The following SETBP1 variants were observed in gnomAD, a reference collection of about 807,000 sequenced individuals.
SETBP1 encodes the protein SET-binding protein.
SETBP1 carries 9 observed loss-of-function variants against 101.0 expected under a neutral mutation model. The ratio of observed to expected loss-of-function variants is 0.09; its 90% confidence interval spans 0.05 to 0.16. SETBP1 has a LOEUF of 0.16. Among genes scored for constraint, SETBP1 ranks in the 10% least tolerant of loss-of-function variants. SETBP1 has a pLI of 1.00. For missense variants in SETBP1, 1,858 were observed against 2,033.8 expected (o/e 0.91, Z 1.66); for synonymous variants, 818 against 788.5 (o/e 1.04, Z -0.63).
At chr18:44,778,524 G>C (rs1350879766) in intron 2 of SETBP1, among the ~76,000 whole-genome samples, 1 of 152,080 alleles carries the variant, frequency 6.6e-6, no homozygotes, top group Non-Finnish European at 1.5e-5. Flanking sequence ...TCTCATTATG[G>C]TTTTTACTAA....
intron 3 of SETBP1, among the ~76,000 whole-genome samples, chr18:44,921,785 G>A (rs778188472): frequency 9.9e-5 from 15 of 152,066 alleles, no homozygotes; most frequent in East Asian, 3.9e-4. Context: ...CCCAGGGGAC[G>A]GAGGGATAAA....
At chr18:44,765,617 A>G (rs2070750273) in intron 2 of SETBP1, among the ~76,000 whole-genome samples, 1 of 152,182 alleles carries the variant, frequency 6.6e-6, no homozygotes, top group Admixed American at 6.5e-5. Flanking sequence ...AATCATTATT[A>G]ATCATGCCCC....
chr18:44,787,749 G>A (rs1291831560), intron 2 of SETBP1, among the ~76,000 whole-genome samples: 3 of 144,702 alleles, frequency 2.1e-5, no homozygotes, highest in African/African-American at 7.7e-5. Flanking sequence ...AGCTACTGGG[G>A]AGGCTGAGGC....
chr18:44,681,959 C>A (rs1310057398), intron 1 of SETBP1, among the ~76,000 whole-genome samples: 1 of 152,168 alleles, frequency 6.6e-6, no homozygotes, highest in Non-Finnish European at 1.5e-5. Context: ...ACACTCCCCC[C>A]ACCTCCTGCC....
intron 5 of SETBP1, among the ~76,000 whole-genome samples, chr18:45,039,170 T>A (rs2073459694): frequency 6.6e-6 from 1 of 152,168 alleles, no homozygotes; most frequent in Non-Finnish European, 1.5e-5. Flanking sequence ...AATCACTGAT[T>A]TATTGATGCA....
At chr18:44,740,142 G>C (rs1210288561) in intron 2 of SETBP1, among the ~76,000 whole-genome samples, 1 of 152,182 alleles carries the variant, frequency 6.6e-6, no homozygotes, top group Non-Finnish European at 1.5e-5. Context: ...TATTATTCTA[G>C]AGCGGGCATT....
chr18:44,817,776 GAA>G (rs2072014563), intron 2 of SETBP1, among the ~76,000 whole-genome samples: 1 of 152,034 alleles, frequency 6.6e-6, no homozygotes, highest in Non-Finnish European at 1.5e-5. Context: ...TTCAAAATCA[GAA>G]AGTCTTCTTG....
intron 2 of SETBP1, among the ~76,000 whole-genome samples, chr18:44,744,036 G>T (rs1255087557): frequency 5.3e-5 from 8 of 152,206 alleles, no homozygotes; most frequent in African/African-American, 1.9e-4. Flanking sequence ...GGTCTCATTG[G>T]TGTGCCATTC....
chr18:44,711,552 G>T (rs553582555), intron 2 of SETBP1, among the ~76,000 whole-genome samples: 81 of 145,130 alleles, frequency 5.6e-4, no homozygotes, highest in African/African-American at 1.8e-3. Context: ...TTAAAACAGG[G>T]TCTTGCTCTG....
intron 4 of SETBP1, among the ~76,000 whole-genome samples, chr18:44,982,946 T>G (rs16978241): frequency 0.054 from 8,204 of 152,172 alleles, 768 homozygotes; most frequent in African/African-American, 0.19. Context: ...TAAGGGACTT[T>G]ACAAGGTCAT....
At chr18:44,906,380 T>C (rs2070176282) in intron 3 of SETBP1, among the ~76,000 whole-genome samples, 2 of 152,196 alleles carry the variant, frequency 1.3e-5, no homozygotes, top group Non-Finnish European at 2.9e-5. Context: ...GTTTGTGTGT[T>C]CTTAGTACCT....
At chr18:44,708,956 T>C (rs1420880025) in intron 2 of SETBP1, among the ~76,000 whole-genome samples, 1 of 152,224 alleles carries the variant, frequency 6.6e-6, no homozygotes, top group African/African-American at 2.4e-5. Flanking sequence ...TGTTTCCTTT[T>C]AGCCCGAAAT....
intron 3 of SETBP1, among the ~76,000 whole-genome samples, chr18:44,902,862 A>G (rs1323346584): frequency 5.9e-5 from 9 of 152,072 alleles, no homozygotes; most frequent in Admixed American, 5.9e-4. Context: ...ATAAAAAGTT[A>G]TTTCATATAT....
chr18:44,866,747 C>T (rs2069138254), intron 2 of SETBP1, among the ~76,000 whole-genome samples: 1 of 152,178 alleles, frequency 6.6e-6, no homozygotes, highest in South Asian at 2.1e-4. Context: ...TATTTTCCGT[C>T]CTTTCCAGCT....
chr18:45,053,220 G>A lies in SETBP1; in HGVS notation c.4172-9859G>A, dbSNP rs544481897. Among the ~76,000 whole-genome samples the A allele has an allele frequency of 2.6e-5, 4 of 152,108 alleles. No individual in the cohort carries two copies. In the East Asian group the frequency reaches 7.7e-4, roughly 29 times the overall value. On this transcript the variant is annotated intron_variant, in intron 5 of 5. Transcript: ENST00000649279. ...AGAAAATAATCAAACCAATTTTTCT[G>A]TACTAACCACTTCATATCTAGAAAA...
At chr18:44,928,264 C>CT (rs2070748707) in intron 3 of SETBP1, among the ~76,000 whole-genome samples, 1 of 152,162 alleles carries the variant, frequency 6.6e-6, no homozygotes, top group Non-Finnish European at 1.5e-5. Context: ...TGAACTCATT[C>CT]TTTTTTATGG....
At chr18:44,841,065 G>A (rs915369102) in intron 2 of SETBP1, among the ~76,000 whole-genome samples, 11 of 152,184 alleles carry the variant, frequency 7.2e-5, no homozygotes, top group African/African-American at 1.9e-4. Context: ...AGCTTAAAAC[G>A]ATAAGCATTT....
At chr18:44,777,099 T>C (rs1292140028) in intron 2 of SETBP1, among the ~76,000 whole-genome samples, 2 of 152,148 alleles carry the variant, frequency 1.3e-5, no homozygotes, top group Non-Finnish European at 2.9e-5. Flanking sequence ...GAGGATCCCT[T>C]GAAGCCAGAA....
chr18:45,060,444 A>G (rs1676193154), intron 5 of SETBP1, among the ~76,000 whole-genome samples: 2 of 152,172 alleles, frequency 1.3e-5, no homozygotes, highest in South Asian at 4.1e-4. Context: ...GAGCTCATAT[A>G]TATGCAACAA....
Sources: allele counts gnomAD v4.1 joint callset (sites outside exome capture counted in the v4.1 genomes callset), GRCh38; gene constraint gnomAD v4.1.1; transcripts MANE v1.5; gene names NCBI Gene and HGNC (gene_info 2026-07-23, HGNC 2026-07-21).